The following ABI1 variants were observed in gnomAD, a reference collection of about 807,000 sequenced individuals.
The protein encoded by ABI1 is abl interactor 1.
A neutral mutation model predicts 54.6 loss-of-function variants in ABI1; 14 were observed. The observed-to-expected ratio is 0.26, with a 90% confidence interval of 0.17 to 0.40. The LOEUF is 0.40. Ranked by LOEUF, ABI1 falls within the 10% of genes least tolerant of loss-of-function variation. ABI1 has a pLI of 1.00. For synonymous variants in ABI1, 194 were observed against 209.3 expected, an observed-to-expected ratio of 0.93 and a Z score of 0.63; for missense variants, 443 against 598.3, an observed-to-expected ratio of 0.74 and a Z score of 2.71.
At chr10:26,792,023 GA>G (rs932376266) in intron 2 of ABI1, among the ~76,000 whole-genome samples, 7 of 152,138 alleles carry the variant, frequency 4.6e-5, no homozygotes, top group African/African-American at 1.7e-4. Flanking sequence ...CATACAGGAT[GA>G]ATCCATTGTT....
chr10:26,857,760 G>A (rs1196102624), intron 1 of ABI1, among the ~76,000 whole-genome samples: 3 of 150,598 alleles, frequency 2.0e-5, no homozygotes, highest in Non-Finnish European at 4.4e-5. Context: ...GAGGTGGGAG[G>A]ACTGCTTGAG....
At chr10:26,779,381 T>C (rs7094825) in intron 2 of ABI1, among the ~76,000 whole-genome samples, 35,212 of 152,084 alleles carry the variant, frequency 0.23, 4,632 homozygotes, top group African/African-American at 0.35. Context: ...TTGGTTATTG[T>C]CAACACTCCT....
intron 1 of ABI1, among the ~76,000 whole-genome samples, chr10:26,848,159 A>G (rs1246278760): frequency 1.4e-5 from 2 of 146,830 alleles, no homozygotes; most frequent in African/African-American, 5.1e-5. Context: ...TAATCGTGCC[A>G]CTGCACTCCA....
intron 1 of ABI1, among the ~76,000 whole-genome samples, chr10:26,826,891 G>C (rs2048333835): frequency 6.6e-6 from 1 of 151,674 alleles, no homozygotes; most frequent in African/African-American, 2.4e-5. Context: ...TGGCTTAAGG[G>C]AATATTGTGG....
intron 1 of ABI1, among the ~76,000 whole-genome samples, chr10:26,838,230 G>T (rs957353447): frequency 1.3e-5 from 2 of 151,780 alleles, no homozygotes; most frequent in African/African-American, 2.4e-5. Flanking sequence ...CACCATCTTG[G>T]CCAAGCTGGT....
intron 1 of ABI1, among the ~76,000 whole-genome samples, chr10:26,836,755 C>T (rs1433057244): frequency 1.3e-5 from 2 of 152,090 alleles, no homozygotes; most frequent in Non-Finnish European, 2.9e-5. Flanking sequence ...AAGAATTAAC[C>T]CTAACTCTAA....
chr10:26,816,178 G>T (rs2047551537), intron 2 of ABI1, among the ~76,000 whole-genome samples: 1 of 152,148 alleles, frequency 6.6e-6, no homozygotes, highest in African/African-American at 2.4e-5. Flanking sequence ...ACAAAACTGG[G>T]TATCAAAGAG....
At chr10:26,776,834 A>C in intron 3 of ABI1, 1 of 375,496 alleles carries the variant, frequency 2.7e-6, no homozygotes, top group East Asian at 4.1e-5. Flanking sequence ...ATATTTGTCT[A>C]GGATTTATGG....
At position 26,860,060 on chromosome 10, in the gene ABI1, G is replaced by A. The variant is rs1214157183; in HGVS notation, c.117+687C>T. On this transcript the variant is annotated intron_variant, in intron 1 of 10. Transcript: ENST00000376140. The surrounding 1 kb of genome is among the most constrained non-coding windows in gnomAD (Gnocchi z 4.1). ...ACAGATTTACAAACCTTCAATTAAA[G>A]GAATTTTAAGATGAACTTCTCTCAA... Among the ~76,000 whole-genome samples the A allele has an allele frequency of 6.6e-6, 1 of 152,080 alleles. No individual in the cohort carries two copies. The highest frequency in any genetic ancestry group is 1.5e-5 in the Non-Finnish European group (1 of 68,014).
intron 9 of ABI1, among the ~76,000 whole-genome samples, chr10:26,755,193 C>T (rs1383850272): frequency 1.3e-5 from 2 of 152,108 alleles, no homozygotes; most frequent in Non-Finnish European, 2.9e-5. Context: ...AAATCTGAGG[C>T]TACAAAGCTT....
intron 2 of ABI1, among the ~76,000 whole-genome samples, chr10:26,812,906 C>T (rs184006638): frequency 6.6e-6 from 1 of 152,198 alleles, no homozygotes; most frequent in East Asian, 1.9e-4. Flanking sequence ...CGGGGGGACA[C>T]ACAACTCAGC....
intron 3 of ABI1, among the ~76,000 whole-genome samples, chr10:26,772,585 C>G (rs748881494): frequency 6.6e-6 from 1 of 152,104 alleles, no homozygotes; most frequent in Non-Finnish European, 1.5e-5. Context: ...TAAGCTTTAA[C>G]CTCTTATGAA....
At chr10:26,836,404 C>T (rs115195968) in intron 1 of ABI1, among the ~76,000 whole-genome samples, 90 of 152,204 alleles carry the variant, frequency 5.9e-4, no homozygotes, top group African/African-American at 1.5e-3. Flanking sequence ...TGAGCCACTA[C>T]GCCTGACCTC....
intron 2 of ABI1, among the ~76,000 whole-genome samples, chr10:26,819,048 G>A (rs991935045): frequency 6.6e-6 from 1 of 152,068 alleles, no homozygotes; most frequent in East Asian, 1.9e-4. Context: ...GGAGAGAAGT[G>A]GAATCAACTA....
chr10:26,788,912 CA>C (rs56220406), intron 2 of ABI1: 2,483 of 51,970 alleles, frequency 0.048, 17 homozygotes, highest in South Asian at 0.22. Context: ...GACTCCGTCT[CA>C]AAAAAAAAAA....
chr10:26,843,587 G>A (rs1464515401), intron 1 of ABI1, among the ~76,000 whole-genome samples: 1 of 140,572 alleles, frequency 7.1e-6, no homozygotes, highest in Non-Finnish European at 1.5e-5. Flanking sequence ...CCTCAGTGAT[G>A]TAAATATTAA....
chr10:26,805,492 A>G (rs143077267), intron 2 of ABI1, among the ~76,000 whole-genome samples: 12 of 152,302 alleles, frequency 7.9e-5, no homozygotes, highest in African/African-American at 2.9e-4. Flanking sequence ...TTTAGGACAC[A>G]ACAAAGAAAT....
At chr10:26,770,941 T>TATTA (rs1196791329) in intron 4 of ABI1, 134 bp downstream of exon 4, 5 of 866,822 alleles carry the variant, frequency 5.8e-6, no homozygotes, top group Non-Finnish European at 5.6e-6. Flanking sequence ...TGAACTTGAG[T>TATTA]ATTAAATAAT....
chr10:26,827,721 T>C (rs1300405619), intron 1 of ABI1, among the ~76,000 whole-genome samples: 4 of 151,894 alleles, frequency 2.6e-5, no homozygotes, highest in Non-Finnish European at 2.9e-5. Context: ...GCTTCCCAAG[T>C]AGCTGGGACT....
Sources: allele counts gnomAD v4.1 joint callset (sites outside exome capture counted in the v4.1 genomes callset), GRCh38; gene constraint gnomAD v4.1.1; non-coding constraint Gnocchi (gnomAD v3.1); transcripts MANE v1.5; gene names NCBI Gene and HGNC (gene_info 2026-07-23, HGNC 2026-07-21).